The following PCNX1 variants were observed in gnomAD, a reference collection of about 807,000 sequenced individuals.
PCNX1 encodes pecanex 1, also known as pecanex-like protein 1.
Under a neutral mutation model 242.2 loss-of-function variants are expected in PCNX1, and 78 were observed. The ratio of observed to expected loss-of-function variants is 0.32; its 90% CI spans 0.27 to 0.39. PCNX1 has a LOEUF of 0.39. Among genes scored for constraint, PCNX1 ranks in the 10% least tolerant of loss-of-function variants. The probability of loss-of-function intolerance (pLI) is 1.00; values close to 1 mark genes in which losing one functional copy is unlikely to be tolerated. For synonymous variants in PCNX1, 1,024 were observed against 1,032.9 expected (o/e 0.99, Z 0.17); for missense variants, 2,581 against 2,856.5 (o/e 0.90, Z 2.20).
At position 70,978,101 on chromosome 14, in the gene PCNX1, T is replaced by G. The variant is rs2058734934; in HGVS notation, c.1764T>G (p.Gly588=). 1 of 1,614,036 alleles carries G rather than the reference T, an allele frequency of 6.2e-7. No homozygotes were observed. The highest frequency in any genetic ancestry group is 8.5e-7 in the Non-Finnish European group (1 of 1,180,014). The change falls in exon 6 of 36, where the codon GGT becomes GGG. Residue 588 remains glycine (G), a synonymous_variant. Transcript: ENST00000304743. ...ATGTTTGCTTTCGAGGTGTTTCTGG[T>G]ACCAAGCCACACAGTGCTATATTTT... ...RDYVCFRGVS[G]TKPHSAIFCH...
rs2058109715 is a variant in PCNX1, at chr14:70,959,206, C to G, written c.363-3020C>G. Among the ~76,000 whole-genome samples the G allele has an allele frequency of 2.1e-5, 3 of 139,860 alleles. No homozygotes were observed. In the Admixed American group the frequency reaches 2.1e-4, roughly 10 times the overall value. The allele number at this position is 139,860 out of a possible 152,430, so 91.8% of individuals were successfully genotyped here. ...GGTGTGTGGTTTTTTCCCCGTAAAT[C>G]TGGGTTCCTGTTATCTTTTTTTTTT... is the stretch of plus-strand genomic sequence containing the variant. On this transcript the variant is annotated intron_variant, in intron 2 of 35. Transcript: ENST00000304743.
intron 22 of PCNX1, among the ~76,000 whole-genome samples, chr14:71,048,468 A>G (rs2060928425): frequency 6.6e-6 from 1 of 152,194 alleles, no homozygotes; most frequent in Admixed American, 6.5e-5. Context: ...TAGATGTTCT[A>G]GGCCTTTTAC....
At chr14:70,943,115 G>A (rs1218066295) in intron 1 of PCNX1, among the ~76,000 whole-genome samples, 2 of 152,110 alleles carry the variant, frequency 1.3e-5, no homozygotes, top group African/African-American at 2.4e-5. Flanking sequence ...CCCAGTCTCG[G>A]GTATTTCTTC....
chr14:70,919,805 A>G (rs1166667852), intron 1 of PCNX1, among the ~76,000 whole-genome samples: 3 of 139,904 alleles, frequency 2.1e-5, no homozygotes, highest in Non-Finnish European at 4.5e-5. Context: ...GAACCTGAGC[A>G]GTTGCATCTT....
chr14:70,929,321 T>G (rs2056705263), intron 1 of PCNX1, among the ~76,000 whole-genome samples: 1 of 152,110 alleles, frequency 6.6e-6, no homozygotes, highest in Non-Finnish European at 1.5e-5. Flanking sequence ...ATATATTTGA[T>G]TATTAGGCTA....
chr14:70,915,381 G>C (rs2056111893), intron 1 of PCNX1, among the ~76,000 whole-genome samples: 1 of 152,096 alleles, frequency 6.6e-6, no homozygotes, highest in African/African-American at 2.4e-5. Flanking sequence ...AGAAATTATA[G>C]ATAAGTAAAA....
chr14:70,978,142 C>T lies in PCNX1; in HGVS notation c.1805C>T (p.Ser602Phe). 1 of 1,614,164 alleles carries T rather than the reference C, an allele frequency of 6.2e-7. No individual in the cohort carries two copies. The highest frequency in any genetic ancestry group is 8.5e-7 in the Non-Finnish European group (1 of 1,180,026). Residue 602 changes from serine (S) to phenylalanine (F), a missense_variant, in exon 6 of 36, where the codon TCT becomes TTT. Transcript: ENST00000304743. ...GCTATATTTTGTCATGACGAAGACTCTAGTGATCAGAGTGACTTGAGTAGA... is the reference window on the plus strand; with the variant it reads ...GCTATATTTTGTCATGACGAAGACTTTAGTGATCAGAGTGACTTGAGTAGA... ...HSAIFCHDED[S>F]SDQSDLSRAS...
chr14:70,957,841 T>TAG (rs1354815090), intron 2 of PCNX1, among the ~76,000 whole-genome samples: 1 of 139,560 alleles, frequency 7.2e-6, no homozygotes, highest in Non-Finnish European at 1.7e-5. Flanking sequence ...TGTGTATATA[T>TAG]ATAGAGAGAG....
At chr14:70,964,630 T>C (rs2058323660) in intron 3 of PCNX1, among the ~76,000 whole-genome samples, 1 of 152,150 alleles carries the variant, frequency 6.6e-6, no homozygotes, top group African/African-American at 2.4e-5. Flanking sequence ...TTTTTCCTTT[T>C]TACAAAAAGG....
chr14:71,058,869 T>G (rs1420468147), intron 26 of PCNX1, among the ~76,000 whole-genome samples: 1 of 152,186 alleles, frequency 6.6e-6, no homozygotes, highest in Admixed American at 6.5e-5. Context: ...GAATATTTGT[T>G]TCTGCCTCTC....
At chr14:70,933,705 A>G (rs938572574) in intron 1 of PCNX1, among the ~76,000 whole-genome samples, 15 of 152,166 alleles carry the variant, frequency 9.9e-5, no homozygotes, top group Non-Finnish European at 1.5e-4. Flanking sequence ...TAGTTTCCCT[A>G]TCTTGAAAAT....
chr14:71,111,002 A>T lies in PCNX1; in HGVS notation c.*1067A>T, dbSNP rs1202682420. 6.6e-6 allele frequency: 1 copy of T among 152,474 alleles called. No individual in the cohort carries two copies. Among genetic ancestry groups the T allele is most frequent in the African/African-American group, 2.4e-5 (1 of 41,450 alleles). The allele number at this position is 152,474 out of a possible 1,614,324, so 9.4% of individuals were successfully genotyped here. On this transcript the variant is annotated 3_prime_UTR_variant, in exon 36 of 36. Transcript: ENST00000304743. ...GTTAGTCAAGTAAAATTTTTTTTCA[A>T]ATAAAAGTATCCAAGTGGTGCAGTT...
At chr14:70,932,699 G>A (rs1162775035) in intron 1 of PCNX1, among the ~76,000 whole-genome samples, 4 of 151,808 alleles carry the variant, frequency 2.6e-5, no homozygotes, top group Non-Finnish European at 5.9e-5. Flanking sequence ...TGCAACCTCC[G>A]TCTCCTGGGT....
At chr14:71,067,936 A>G (rs888607609) in intron 26 of PCNX1, among the ~76,000 whole-genome samples, 1 of 152,042 alleles carries the variant, frequency 6.6e-6, no homozygotes, top group Non-Finnish European at 1.5e-5. Context: ...AGGCTTTGGA[A>G]GTTTCTTCTA....
At chr14:70,919,769 A>G (rs912072619) in intron 1 of PCNX1, among the ~76,000 whole-genome samples, 2 of 125,254 alleles carry the variant, frequency 1.6e-5, no homozygotes, top group East Asian at 5.3e-4. Context: ...ATTGTAAAAC[A>G]GTTCAGAGTT....
intron 12 of PCNX1, among the ~76,000 whole-genome samples, chr14:71,021,399 A>G (rs2060097368): frequency 6.6e-6 from 1 of 152,158 alleles, no homozygotes; most frequent in Admixed American, 6.5e-5. Flanking sequence ...TGAGCATGGA[A>G]TGTTTTTCCA....
Position 71,105,390 on chromosome 14 carries a change from G to T in PCNX1, c.6251G>T (p.Gly2084Val). 6.2e-7 allele frequency: 1 copy of T among 1,614,090 alleles called. No individual in the cohort carries two copies. Among genetic ancestry groups the T allele is most frequent in the Non-Finnish European group, 8.5e-7 (1 of 1,180,004 alleles). ...GGAAGCATTGGAAATCCTGGGCAGG[G>T]ATCAGGAACTGGACTCCACCCACCT... ...TQGSIGNPGQ[G>V]SGTGLHPPVT... The change falls in exon 33 of 36, where the codon GGA becomes GTA. Residue 2084 changes from glycine (G) to valine (V), a missense_variant. Around this residue, in one of 9 missense-constraint regions of PCNX1, gnomAD observed 432 missense variants for 433.6 expected, o/e 1.00. Coordinates refer to ENST00000304743, the MANE Select transcript of PCNX1 (RefSeq NM_014982.3).
intron 19 of PCNX1, among the ~76,000 whole-genome samples, chr14:71,039,691 G>C (rs1366507174): frequency 6.6e-6 from 1 of 152,158 alleles, no homozygotes; most frequent in Non-Finnish European, 1.5e-5. Flanking sequence ...TCCATCAGTA[G>C]ACCTCCATGA....
chr14:71,019,015 T>C lies in PCNX1; in HGVS notation c.3003T>C (p.Arg1001=), dbSNP rs138176917. The C allele has an allele frequency of 2.6e-4, 412 of 1,606,974 alleles. No individual in the cohort carries two copies. The highest frequency in any genetic ancestry group is 2.3e-3 in the Middle Eastern group (14 of 6,072). Reference sequence around the variant, plus strand: ...TAAGTTTTTCTGTCCGTAGAAATCGTGAGATCCTGGAAAATGTGTTAGCTG... The same window carrying C: ...TAAGTTTTTCTGTCCGTAGAAATCGCGAGATCCTGGAAAATGTGTTAGCTG... ...LTLLALFDRN[R]EILENVLAVI... The change falls in exon 12 of 36, where the codon CGT becomes CGC. Residue 1001 remains arginine, a synonymous_variant. Coordinates refer to ENST00000304743, the MANE Select transcript of PCNX1 (RefSeq NM_014982.3).
Sources: gnomAD v4.1 joint callset for allele counts (sites outside exome capture counted in the v4.1 genomes callset) on GRCh38, gnomAD v4.1.1 for gene constraint, gnomAD v4.1.1 regional missense constraint, MANE v1.5 for transcripts, NCBI Gene and HGNC (gene_info 2026-07-23, HGNC 2026-07-21) for gene names.